The following ANK3 variants were observed in gnomAD, a reference collection of about 807,000 sequenced individuals.
ANK3 encodes the protein ankyrin 3, also known as ankyrin-3.
In ANK3, 57 loss-of-function variants were observed where a neutral mutation model predicts 370.9. The ratio of observed to expected loss-of-function variants is 0.15; its 90% CI spans 0.12 to 0.19. The LOEUF (loss-of-function observed/expected upper bound fraction) is 0.19, where lower values mean the gene tolerates loss of function less well. Among genes scored for constraint, ANK3 ranks in the 10% least tolerant of loss-of-function variants. ANK3 has a pLI of 1.00. For missense variants in ANK3, 4,439 were observed against 5,302.1 expected, an observed-to-expected ratio of 0.84 and a Z score of 5.06; for synonymous variants, 1,929 against 1,946.3, an observed-to-expected ratio of 0.99 and a Z score of 0.23.
intron 7 of ANK3, among the ~76,000 whole-genome samples, chr10:60,246,684 T>C (rs2097561295): frequency 6.6e-6 from 1 of 152,198 alleles, no homozygotes; most frequent in Admixed American, 6.5e-5. Context: ...CTTATTTTCT[T>C]TTAAGGACAG....
chr10:60,552,077 C>T (rs559008385), intron 2 of ANK3, among the ~76,000 whole-genome samples: 2 of 152,296 alleles, frequency 1.3e-5, no homozygotes, highest in African/African-American at 4.8e-5. Flanking sequence ...ACCAAGCCTG[C>T]ACACATGAGA....
intron 7 of ANK3, among the ~76,000 whole-genome samples, chr10:60,249,422 G>A (rs919826985): frequency 1.3e-5 from 2 of 152,050 alleles, no homozygotes; most frequent in Non-Finnish European, 2.9e-5. Flanking sequence ...CTATACTCCT[G>A]TATCACTTCT....
At chr10:60,270,999 C>T (rs1048585019) in intron 4 of ANK3, among the ~76,000 whole-genome samples, 1 of 152,004 alleles carries the variant, frequency 6.6e-6, no homozygotes, top group African/African-American at 2.4e-5. Flanking sequence ...AAATGTGCAT[C>T]AACTCTCAAA....
At chr10:60,130,898 C>T (rs2094026234) in intron 25 of ANK3, among the ~76,000 whole-genome samples, 1 of 152,152 alleles carries the variant, frequency 6.6e-6, no homozygotes. Flanking sequence ...CTCCAAGTTA[C>T]TATTTTGAAA....
intron 1 of ANK3, among the ~76,000 whole-genome samples, chr10:60,685,572 AC>A (rs1243327439): frequency 1.3e-5 from 2 of 152,222 alleles, no homozygotes; most frequent in African/African-American, 4.8e-5. Flanking sequence ...TACAGAAATA[AC>A]CCGCGCTCAT....
intron 41 of ANK3, 107 bp from the exon 42 acceptor site, chr10:60,056,143 TA>T: frequency 3.8e-6 from 5 of 1,305,232 alleles, no homozygotes; most frequent in Non-Finnish European, 5.2e-6. Flanking sequence ...TCTGAAGGCA[TA>T]AAATAGAAAA....
chr10:60,721,878 A>G (rs145295823), intron 1 of ANK3, among the ~76,000 whole-genome samples: 1 of 152,332 alleles, frequency 6.6e-6, no homozygotes. Flanking sequence ...ATCTCAAAGC[A>G]TGGAGAATCT....
At chr10:60,232,959 A>T (rs1173865817) in intron 8 of ANK3, among the ~76,000 whole-genome samples, 1 of 152,240 alleles carries the variant, frequency 6.6e-6, no homozygotes, top group Non-Finnish European at 1.5e-5. Flanking sequence ...CAGAATTTTT[A>T]GAAGAAGGAA....
chr10:60,635,030 C>T (rs1384687951), intron 1 of ANK3, among the ~76,000 whole-genome samples: 1 of 152,142 alleles, frequency 6.6e-6, no homozygotes, highest in Non-Finnish European at 1.5e-5. Context: ...AAGAACCCAC[C>T]GGAAGGAACC....
intron 8 of ANK3, among the ~76,000 whole-genome samples, chr10:60,216,276 CTCTGG>C (rs2132468810): frequency 6.6e-6 from 1 of 152,240 alleles, no homozygotes; most frequent in South Asian, 2.1e-4. Flanking sequence ...TGACTGATTG[CTCTGG>C]TCTGAACTTC....
chr10:60,503,778 G>A (rs1487420694), intron 2 of ANK3, among the ~76,000 whole-genome samples: 2 of 152,114 alleles, frequency 1.3e-5, no homozygotes, highest in Non-Finnish European at 2.9e-5. Flanking sequence ...TGTTTCCCAG[G>A]TGTCCAGAGC....
At chr10:60,725,265 C>T (rs957375865) in intron 1 of ANK3, among the ~76,000 whole-genome samples, 4 of 152,142 alleles carry the variant, frequency 2.6e-5, no homozygotes, top group African/African-American at 9.7e-5. Context: ...AACTCCATGA[C>T]GTGCACCCGC....
At chr10:60,321,169 T>A (rs551805448) in intron 1 of ANK3, among the ~76,000 whole-genome samples, 2 of 152,018 alleles carry the variant, frequency 1.3e-5, no homozygotes, top group Admixed American at 6.6e-5. Context: ...GGCAGGAAGA[T>A]CACTTGAGCC....
intron 1 of ANK3, among the ~76,000 whole-genome samples, chr10:60,386,659 T>C (rs2062378957): frequency 6.6e-6 from 1 of 152,138 alleles, no homozygotes; most frequent in African/African-American, 2.4e-5. Context: ...TAAGTCTACA[T>C]ATGTATTATG....
chr10:60,656,067 A>G (rs891016114), intron 1 of ANK3, among the ~76,000 whole-genome samples: 1 of 152,202 alleles, frequency 6.6e-6, no homozygotes, highest in African/African-American at 2.4e-5. Flanking sequence ...GAATTTCTCA[A>G]TGTGTATCTG....
intron 1 of ANK3, among the ~76,000 whole-genome samples, chr10:60,381,646 A>G (rs887931965): frequency 6.6e-6 from 1 of 152,168 alleles, no homozygotes; most frequent in African/African-American, 2.4e-5. Context: ...CAATCCCTCA[A>G]TGACATTTAA....
At chr10:60,502,666 G>C (rs1275611623) in intron 2 of ANK3, among the ~76,000 whole-genome samples, 1 of 151,344 alleles carries the variant, frequency 6.6e-6, no homozygotes, top group Non-Finnish European at 1.5e-5. Flanking sequence ...ACTCCAGTCT[G>C]CGCAACATAG....
chr10:60,541,622 C>T (rs1220351477), intron 2 of ANK3, among the ~76,000 whole-genome samples: 2 of 151,888 alleles, frequency 1.3e-5, no homozygotes, highest in African/African-American at 4.8e-5. Context: ...TTTCACTCAA[C>T]TCCCTTTGCT....
At position 60,042,689 on chromosome 10, in the gene ANK3, T is replaced by C; in HGVS notation, c.*2A>G. The stretch of plus-strand genomic sequence containing the variant: ...CACCTCACCTTGACTGACCGTTCGC[T>C]GTTACGAGTGGCTCTTCTTTTCCAC... On this transcript the variant is annotated 3_prime_UTR_variant, in exon 43 of 44. Transcript: ENST00000280772. 4 of 1,613,946 alleles carry C rather than the reference T, an allele frequency of 2.5e-6. No individual in the cohort carries two copies. Among genetic ancestry groups the C allele is most frequent in the Non-Finnish European group, 3.4e-6 (4 of 1,179,954 alleles).
Sources: allele counts gnomAD v4.1 joint callset (sites outside exome capture counted in the v4.1 genomes callset), GRCh38; gene constraint gnomAD v4.1.1; transcripts MANE v1.5; gene names NCBI Gene and HGNC (gene_info 2026-07-23, HGNC 2026-07-21).